Variants in POLE observed in about 807,000 individuals in gnomAD.
POLE encodes the protein DNA polymerase epsilon catalytic subunit A.
A neutral mutation model predicts 279.2 loss-of-function variants in POLE; 188 were observed. The ratio of observed to expected loss-of-function variants is 0.67; its 90% CI spans 0.60 to 0.76. POLE has a LOEUF of 0.76. Ranked by LOEUF, POLE falls within the 30% of genes least tolerant of loss-of-function variation. The probability of loss-of-function intolerance (pLI) is 0.00; values close to 1 mark genes in which losing one functional copy is unlikely to be tolerated. For synonymous variants in POLE, 1,214 were observed against 1,172.5 expected (o/e 1.04, Z -0.72); for missense variants, 2,703 against 3,016.7 (o/e 0.90, Z 2.44).
At position 132,673,275 on chromosome 12, in the gene POLE, A is replaced by G. The variant is rs2042973001; in HGVS notation, c.1362T>C (p.Thr454=). Residue 454 remains threonine, a splice_region_variant and synonymous_variant, in exon 14 of 49, where the codon ACT becomes ACC. Coordinates refer to ENST00000320574, the MANE Select transcript of POLE (RefSeq NM_006231.4). ...MCRMATEQPQ[T]LATYSVSDAV... ...CATCTGACACAGAATACGTGGCCAG[A>G]GTCTGAGGAGAGAACGCCAGAGAGC... 1 of 1,596,594 alleles carries G rather than the reference A, an allele frequency of 6.3e-7. No individual in the cohort carries two copies. Among genetic ancestry groups the G allele is most frequent in the East Asian group, 2.2e-5 (1 of 44,806 alleles).
At position 132,668,515 on chromosome 12, in the gene POLE, C is replaced by A. The variant is rs2135976568; in HGVS notation, c.2027-13G>T. 1 of 1,581,896 alleles carries A rather than the reference C, an allele frequency of 6.3e-7. No homozygotes were observed. The highest frequency in any genetic ancestry group is 8.6e-7 in the Non-Finnish European group (1 of 1,160,202). ...CGACTGGCTGGCACTGGGAAGGAGG[C>A]AATGGGGGCAAGTTCAAAAGGAGGC... On this transcript the variant is annotated splice_polypyrimidine_tract_variant and intron_variant, in intron 18 of 48. Coordinates refer to ENST00000320574, the MANE Select transcript of POLE (RefSeq NM_006231.4). The surrounding 1 kb of genome is among the most constrained non-coding windows in gnomAD (Gnocchi z 4.0).
chr12:132,656,812 A>G (rs1295030433), intron 29 of POLE, among the ~76,000 whole-genome samples: 1 of 152,104 alleles, frequency 6.6e-6, no homozygotes, highest in African/African-American at 2.4e-5. Flanking sequence ...TTCCATAGGG[A>G]AGATATTCAT....
rs879254235 is a variant in POLE at position 132,680,022 on chromosome 12, A to G, written c.355T>C (p.Phe119Leu). 8 of 1,613,942 alleles carry G rather than the reference A, an allele frequency of 5.0e-6. No individual in the cohort carries two copies. The highest frequency in any genetic ancestry group is 6.8e-6 in the Non-Finnish European group (8 of 1,179,936). Residue 119 changes from phenylalanine to leucine, a missense_variant, in exon 5 of 49, where the codon TTT becomes CTT. Physicochemically the swap from Phe to Leu is conservative, Grantham distance 22 (BLOSUM62 0). This residue lies in a region of POLE where 1,011 missense variants were observed against 1,111.7 expected (regional missense o/e 0.91). Transcript: ENST00000320574. The stretch of plus-strand genomic sequence containing the variant: ...TTGCCCTGAAACTTCTTGGAGAGAA[A>G]AGATGAAACTTCTCGCTCACAACCC... The part of the protein sequence containing the change: ...RKGCEREVSS[F>L]LSKKFQGKIA...
intron 29 of POLE, among the ~76,000 whole-genome samples, chr12:132,654,618 T>C (rs1383327756): frequency 1.3e-5 from 2 of 151,844 alleles, no homozygotes; most frequent in Non-Finnish European, 2.9e-5. Flanking sequence ...TGACAAAACC[T>C]TGTCTCTACA....
chr12:132,675,678 G>C lies in POLE; in HGVS notation c.1106+57C>G, dbSNP rs1454160048. ...GACATGGGAAGCGCCCCTGCACCAC[G>C]CAACGCCCTCCCTCTCAAATGCTGC... On this transcript the variant is annotated intron_variant, in intron 11 of 48. Coordinates refer to ENST00000320574, the MANE Select transcript of POLE (RefSeq NM_006231.4). The surrounding 1 kb of genome is among the most constrained non-coding windows in gnomAD (Gnocchi z 4.3). 6.4e-7 allele frequency: 1 copy of C among 1,567,642 alleles called. No homozygotes were observed. The highest frequency in any genetic ancestry group is 8.8e-7 in the Non-Finnish European group (1 of 1,138,612).
Position 132,639,040 on chromosome 12 carries a change from G to A in POLE, c.5552+85C>T, listed in dbSNP as rs1005349145. 1 of 1,164,736 alleles carries A rather than the reference G, an allele frequency of 8.6e-7. No homozygotes were observed. Among genetic ancestry groups the A allele is most frequent in the Non-Finnish European group, 1.3e-6 (1 of 785,096 alleles). 72.2% of individuals were successfully genotyped at this position (1,164,736 alleles called of 1,614,324 possible). ...ATACACTACTTATCCCAGAGGCACT[G>A]GCTGGCCATGTCTCTGGTTCTGGGG... On this transcript the variant is annotated intron_variant, in intron 40 of 48. Coordinates refer to ENST00000320574, the MANE Select transcript of POLE (RefSeq NM_006231.4). The surrounding 1 kb of genome is among the most constrained non-coding windows in gnomAD (Gnocchi z 4.7).
intron 32 of POLE, chr12:132,648,431 A>G (rs533026728): frequency 6.6e-6 from 1 of 152,518 alleles, no homozygotes; most frequent in South Asian, 2.1e-4. Context: ...GCAAACCACC[A>G]TGGCATGTGC....
At position 132,661,401 on chromosome 12, in the gene POLE, T is replaced by A. The variant is rs1370653757; in HGVS notation, c.2864+126A>T. 2 of 1,102,936 alleles carry A rather than the reference T, an allele frequency of 1.8e-6. No individual in the cohort carries two copies. The highest frequency in any genetic ancestry group is 3.1e-5 in the African/African-American group (2 of 63,624). 68.3% of individuals were successfully genotyped at this position (1,102,936 alleles called of 1,614,324 possible). On this transcript the variant is annotated intron_variant, in intron 24 of 48. Coordinates refer to ENST00000320574, the MANE Select transcript of POLE (RefSeq NM_006231.4). The surrounding 1 kb of genome is among the most constrained non-coding windows in gnomAD (Gnocchi z 4.1). ...GCAGACAGAGCTGGTGCAAACGGAA[T>A]CAGTAAGATCACAAGAACCCAGGTC...
intron 29 of POLE, among the ~76,000 whole-genome samples, chr12:132,656,008 T>TA (rs1000067165): frequency 2.7e-5 from 4 of 149,362 alleles, no homozygotes; most frequent in African/African-American, 4.9e-5. Context: ...ACTAAAAATT[T>TA]AAAAAAAAAA....
intron 6 of POLE, among the ~76,000 whole-genome samples, chr12:132,677,954 G>A (rs1484697284): frequency 2.6e-5 from 4 of 151,868 alleles, no homozygotes; most frequent in African/African-American, 9.7e-5. Context: ...AAGGAAGGCG[G>A]ATCACCCGAG....
chr12:132,635,741 T>C, intron 42 of POLE, 151 bp downstream of exon 42: 1 of 734,158 alleles, frequency 1.4e-6, no homozygotes. Flanking sequence ...TGTCTGCGCA[T>C]GGTCCCTCCC....
At position 132,661,152 on chromosome 12, in the gene POLE, G is replaced by A. The variant is rs770453296; in HGVS notation, c.2877C>T (p.Phe959=). The change falls in exon 25 of 49, where the codon TTC becomes TTT. Residue 959 remains phenylalanine, a synonymous_variant. Coordinates refer to ENST00000320574, the MANE Select transcript of POLE (RefSeq NM_006231.4). This position sits in a 1 kb window ranked among gnomAD's most constrained non-coding sequence, Gnocchi z 4.1. The part of the protein sequence containing the change: ...GKKLKKRYAV[F]NEDGSLAELK... ...GCTCAGCCAGAGAACCGTCTTCATT[G>A]AACACAGCATACCTGAAAAAAAAAA... 4.4e-6 allele frequency: 7 copies of A among 1,599,728 alleles called. No individual in the cohort carries two copies. In the South Asian group the frequency reaches 7.8e-5, roughly 18 times the overall value.
intron 26 of POLE, chr12:132,658,498 G>A (rs577384578): frequency 1.9e-5 from 3 of 155,020 alleles, no homozygotes; most frequent in Admixed American, 6.4e-5. Flanking sequence ...ACAGGCAAAC[G>A]TGCACGTTCA....
Position 132,624,432 on chromosome 12 carries a change from C to T in POLE, c.*265G>A, listed in dbSNP as rs1391343010. On this transcript the variant is annotated 3_prime_UTR_variant, in exon 49 of 49. Coordinates refer to ENST00000320574, the MANE Select transcript of POLE (RefSeq NM_006231.4). ...AAAGCATTCACTGCGTGAGAAACGG[C>T]GCCCAGGGCACTCGCAGCCTCGCTC... is the stretch of plus-strand genomic sequence containing the variant. 17 of 547,868 alleles carry T rather than the reference C, an allele frequency of 3.1e-5. No individual in the cohort carries two copies. The highest frequency in any genetic ancestry group is 9.7e-4 in the Middle Eastern group (2 of 2,068). 33.9% of individuals were successfully genotyped at this position (547,868 alleles called of 1,614,324 possible). A position where few individuals can be genotyped will look rare whatever the true frequency, so the allele number is the denominator to read the frequency against.
In POLE at chr12:132,661,314, G is replaced by T; in HGVS notation, c.2865-150C>A. Reference sequence around the variant, plus strand: ...AAACGTCTCTCTCCCTTAGGCCACTGCTTCTCTAAAAGGAAAATGGCTGAA... The same window carrying T: ...AAACGTCTCTCTCCCTTAGGCCACTTCTTCTCTAAAAGGAAAATGGCTGAA... On this transcript the variant is annotated intron_variant, in intron 24 of 48. Coordinates refer to ENST00000320574, the MANE Select transcript of POLE (RefSeq NM_006231.4). This position sits in a 1 kb window ranked among gnomAD's most constrained non-coding sequence, Gnocchi z 4.1. 4 of 964,586 alleles carry T rather than the reference G, an allele frequency of 4.1e-6. No individual in the cohort carries two copies. Among genetic ancestry groups the T allele is most frequent in the Non-Finnish European group, 6.2e-6 (4 of 648,422 alleles). The allele number at this position is 964,586 out of a possible 1,614,324, so 59.8% of individuals were successfully genotyped here.
rs2042675446 is a variant in POLE, at chr12:132,661,259, C to T, written c.2865-95G>A. 2 of 1,193,638 alleles carry T rather than the reference C, an allele frequency of 1.7e-6. No homozygotes were observed. The highest frequency in any genetic ancestry group is 2.3e-5 in the Admixed American group (1 of 44,314). The allele number at this position is 1,193,638 out of a possible 1,614,324, so 73.9% of individuals were successfully genotyped here. A position where few individuals can be genotyped will look rare whatever the true frequency, so the allele number is the denominator to read the frequency against. On this transcript the variant is annotated intron_variant, in intron 24 of 48. Coordinates refer to ENST00000320574, the MANE Select transcript of POLE (RefSeq NM_006231.4). This position sits in a 1 kb window ranked among gnomAD's most constrained non-coding sequence, Gnocchi z 4.1. ...CCTCTCTGCCCGCCTCTTCCCTTTCCAACCCTCCACCTGTCATCCACGAGG... is the reference window on the plus strand; with the variant it reads ...CCTCTCTGCCCGCCTCTTCCCTTTCTAACCCTCCACCTGTCATCCACGAGG...
intron 23 of POLE, among the ~76,000 whole-genome samples, chr12:132,662,859 T>A (rs2042709350): frequency 6.6e-6 from 1 of 152,136 alleles, no homozygotes; most frequent in Non-Finnish European, 1.5e-5. Context: ...CCCTGGGATG[T>A]CCACTCTGAT....
In POLE at chr12:132,675,358, C is replaced by T. The variant is rs370594302; in HGVS notation, c.1226+40G>A. 2.2e-5 allele frequency: 35 copies of T among 1,604,006 alleles called. 1 individual carries two copies. The highest frequency in any genetic ancestry group is 2.1e-4 in the South Asian group (19 of 89,754). ...GCAAGAGGCCTTCAGATCTCGCTCA[C>T]GGACAGCAGTGAGGAGCCATGCTGC... On this transcript the variant is annotated intron_variant, in intron 12 of 48. Transcript: ENST00000320574. This position sits in a 1 kb window ranked among gnomAD's most constrained non-coding sequence, Gnocchi z 4.3.
chr12:132,642,439 TCA>T (rs766985075), intron 37 of POLE, 42 bp from the exon 38 acceptor site: 1 of 1,596,658 alleles, frequency 6.3e-7, no homozygotes, highest in South Asian at 1.1e-5. Flanking sequence ...CATCGCCGGG[TCA>T]CAGAGACCAC....
Sources: gnomAD v4.1 joint callset for allele counts (sites outside exome capture counted in the v4.1 genomes callset) on GRCh38, gnomAD v4.1.1 for gene constraint, gnomAD v4.1.1 regional missense constraint, Gnocchi (gnomAD v3.1) non-coding constraint, MANE v1.5 for transcripts, NCBI Gene and HGNC (gene_info 2026-07-23, HGNC 2026-07-21) for gene names.